PRRC2B: variants seen among roughly 807,000 people sequenced by gnomAD.
PRRC2B encodes protein PRRC2B.
Under a neutral mutation model 242.3 loss-of-function variants are expected in PRRC2B, and 68 were observed. The ratio of observed to expected loss-of-function variants is 0.28; its 90% CI spans 0.23 to 0.34. The LOEUF is 0.34. Among genes scored for constraint, PRRC2B ranks in the 10% least tolerant of loss-of-function variants. PRRC2B has a pLI of 1.00. For synonymous variants in PRRC2B, 1,228 were observed against 1,173.6 expected, an observed-to-expected ratio of 1.05 and a Z score of -0.95; for missense variants, 2,835 against 2,954.8, an observed-to-expected ratio of 0.96 and a Z score of 0.94.
chr9:131,420,481 C>CTTTCTTTCTTTCTTTCTTTCT (rs1837791104), intron 1 of PRRC2B, among the ~76,000 whole-genome samples: 1 of 13,418 alleles, frequency 7.5e-5, no homozygotes, highest in African/African-American at 1.9e-4. Flanking sequence ...TTCTTTCTTT[C>CTTTCTTTCTTTCTTTCTTTCT]TTTCTTTCTT....
rs1838796009 is a variant in PRRC2B at position 131,446,270 on chromosome 9, A to G, written c.614-131A>G. The G allele has an allele frequency of 2.0e-5, 22 of 1,126,316 alleles. No individual in the cohort carries two copies. The South Asian group carries it at 3.4e-4, about 17-fold the overall frequency. 69.8% of individuals were successfully genotyped at this position (1,126,316 alleles called of 1,614,324 possible). On this transcript the variant is annotated intron_variant, in intron 6 of 31. Transcript: ENST00000683519. The surrounding 1 kb of genome is among the most constrained non-coding windows in gnomAD (Gnocchi z 4.1). Reference sequence around the variant, plus strand: ...TCCCTGACAGATTTAACAGTTCTTCACTTTTGGTGTTTTTTGTTTTTCATT... The same window carrying G: ...TCCCTGACAGATTTAACAGTTCTTCGCTTTTGGTGTTTTTTGTTTTTCATT...
chr9:131,444,486 T>C (rs566684704), intron 6 of PRRC2B, among the ~76,000 whole-genome samples, 158 bp downstream of exon 6: 2 of 152,344 alleles, frequency 1.3e-5, no homozygotes, highest in South Asian at 4.1e-4. Flanking sequence ...TCCATTGGAC[T>C]TGCTGCCTAG....
intron 1 of PRRC2B, among the ~76,000 whole-genome samples, chr9:131,402,608 C>T (rs1214624868): frequency 6.6e-6 from 1 of 152,188 alleles, no homozygotes; most frequent in Non-Finnish European, 1.5e-5. Context: ...CCATTCATCA[C>T]TGTGTGCCAG....
At chr9:131,391,886 C>T (rs187473542), upstream of PRRC2B, among the ~76,000 whole-genome samples, 150 of 150,496 alleles carry the variant, frequency 1.0e-3, no homozygotes, top group African/African-American at 3.4e-3. Context: ...GATTACAGGA[C>T]CCCACCACCA....
At position 131,420,453 on chromosome 9, in the gene PRRC2B, T is replaced by TTTCTTTCTTTC. The variant is rs1564278457; in HGVS notation, c.-51-9639_-51-9638insCTTTCTTTCTT. ...TTTTCTTTTTTCTTTTTCTTTTTCT[T>TTTCTTTCTTTC]TTTCTTTCTTTCTTTCTTTCTTTCT... On this transcript the variant is annotated intron_variant, in intron 1 of 31. Transcript: ENST00000683519. Among the ~76,000 whole-genome samples, 320 of 61,036 alleles carry TTTCTTTCTTTC rather than the reference T, an allele frequency of 5.2e-3. 50 individuals are homozygous for TTTCTTTCTTTC. The highest frequency in any genetic ancestry group is 0.019 in the East Asian group (33 of 1,696). 40.0% of individuals were successfully genotyped at this position (61,036 alleles called of 152,430 possible).
intron 16 of PRRC2B, among the ~76,000 whole-genome samples, chr9:131,477,037 C>T (rs916290264): frequency 1.3e-5 from 2 of 152,220 alleles, no homozygotes; most frequent in Non-Finnish European, 2.9e-5. Context: ...GGCAGGAGCC[C>T]AGCAAACGCA....
At position 131,477,959 on chromosome 9, in the gene PRRC2B, C is replaced by T. The variant is rs1943751403; in HGVS notation, c.4612+10C>T. On this transcript the variant is annotated intron_variant, in intron 17 of 31. Transcript: ENST00000683519. ...GACCTGAACTATGGAAGTAAGTCAT[C>T]CTCATATCTTCAGGGGAAAGAACTC... 3.1e-6 allele frequency: 5 copies of T among 1,611,400 alleles called. No individual in the cohort carries two copies. Among genetic ancestry groups the T allele is most frequent in the Non-Finnish European group, 4.2e-6 (5 of 1,177,634 alleles).
In PRRC2B at chr9:131,408,181, C is replaced by T. The variant is rs546393380; in HGVS notation, c.-52+13918C>T. On this transcript the variant is annotated intron_variant, in intron 1 of 31. Coordinates refer to ENST00000683519, the MANE Select transcript of PRRC2B (RefSeq NM_013318.4). ...TTTGCTGCCGAAGGGCGTCTGACTC[C>T]CATGTAATTTACCTAATGAGAGGTC... Among the ~76,000 whole-genome samples the T allele has an allele frequency of 1.2e-4, 18 of 152,330 alleles. No individual in the cohort carries two copies. In the South Asian group the frequency reaches 2.7e-3, roughly 23 times the overall value.
At chr9:131,447,247 G>T in intron 8 of PRRC2B, 41 bp downstream of exon 8, 1 of 1,609,996 alleles carries the variant, frequency 6.2e-7, no homozygotes, top group Non-Finnish European at 8.5e-7. Flanking sequence ...AGAGATGAGT[G>T]CGGTGGTGAT....
intron 1 of PRRC2B, among the ~76,000 whole-genome samples, chr9:131,410,192 T>A (rs1588239947): frequency 6.6e-6 from 1 of 152,214 alleles, no homozygotes; most frequent in Non-Finnish European, 1.5e-5. Flanking sequence ...ATATGGGCTT[T>A]CCAGCCAGAG....
At position 131,487,759 on chromosome 9, in the gene PRRC2B, G is replaced by A. The variant is rs540728780; in HGVS notation, c.5985-97G>A. ...GCTCTGGGGGTGGGGCCGGGGATCT[G>A]TGGTTTAGCAAGCTCTCCGGGGATC... On this transcript the variant is annotated intron_variant, in intron 27 of 31. Transcript: ENST00000683519. The surrounding 1 kb of genome is among the most constrained non-coding windows in gnomAD (Gnocchi z 5.3). 6.7e-7 allele frequency: 1 copy of A among 1,493,330 alleles called. No homozygotes were observed. The highest frequency in any genetic ancestry group is 1.4e-5 in the African/African-American group (1 of 72,118). 92.5% of individuals were successfully genotyped at this position (1,493,330 alleles called of 1,614,324 possible).
intron 1 of PRRC2B, among the ~76,000 whole-genome samples, chr9:131,426,169 C>T (rs535740992): frequency 1.3e-5 from 2 of 151,796 alleles, no homozygotes; most frequent in South Asian, 2.1e-4. Flanking sequence ...GAAATCTTGT[C>T]TCTACTGAAA....
chr9:131,450,115 A>G (rs1304199661), intron 9 of PRRC2B, among the ~76,000 whole-genome samples: 1 of 152,144 alleles, frequency 6.6e-6, no homozygotes, highest in Non-Finnish European at 1.5e-5. Context: ...TAAATCTTAA[A>G]TTTCAGTAGT....
At position 131,448,543 on chromosome 9, in the gene PRRC2B, C is replaced by CAGAAAAAAAAAAAA. The variant is rs1838884232; in HGVS notation, c.1120+740_1120+741insGAAAAAAAAAAAAA. Reference sequence around the variant, plus strand: ...TGGGCGACAGAGGGAGACACTGTCTCAAAAAAAAAAAAAAAAAAAAAAAAA... The same window carrying CAGAAAAAAAAAAAA: ...TGGGCGACAGAGGGAGACACTGTCTCAGAAAAAAAAAAAAAAAAAAAAAAAAAAAAAAAAAAAAA... On this transcript the variant is annotated intron_variant, in intron 9 of 31. Transcript: ENST00000683519. Among the ~76,000 whole-genome samples the CAGAAAAAAAAAAAA allele has an allele frequency of 1.8e-4, 7 of 39,874 alleles. 1 individual carries two copies. Among genetic ancestry groups the CAGAAAAAAAAAAAA allele is most frequent in the Non-Finnish European group, 3.2e-4 (6 of 18,710 alleles). The allele number at this position is 39,874 out of a possible 152,430, so 26.2% of individuals were successfully genotyped here.
chr9:131,386,930 G>A (rs986738986), intron 1 of PRRC2B, among the ~76,000 whole-genome samples: 4 of 150,052 alleles, frequency 2.7e-5, no homozygotes, highest in South Asian at 2.1e-4. Flanking sequence ...ATGGAGAGCC[G>A]GTCCAGGTTC....
chr9:131,481,194 C>T (rs1302284110), intron 19 of PRRC2B, among the ~76,000 whole-genome samples: 3 of 149,938 alleles, frequency 2.0e-5, no homozygotes, highest in Non-Finnish European at 4.4e-5. Context: ...CCTATAGTCC[C>T]AGCTATTCGG....
chr9:131,465,131 G>A (rs968833271), intron 12 of PRRC2B, 53 bp downstream of exon 12: 55 of 1,519,254 alleles, frequency 3.6e-5, no homozygotes, highest in African/African-American at 1.4e-4. Flanking sequence ...TGTTGTCCTC[G>A]TCTTGTTACT....
chr9:131,482,576 TC>T lies in PRRC2B; in HGVS notation c.5175+16del. ...TCTGAGCAGAAGGTAACCTGGACGT[TC>T]CAGTCACAGTGGCCAGGGCCTGGGT... On this transcript the variant is annotated intron_variant, in intron 21 of 31. Transcript: ENST00000683519. This position sits in a 1 kb window ranked among gnomAD's most constrained non-coding sequence, Gnocchi z 5.2. 1 of 1,576,802 alleles carries T rather than the reference TC, an allele frequency of 6.3e-7. No individual in the cohort carries two copies. The highest frequency in any genetic ancestry group is 8.6e-7 in the Non-Finnish European group (1 of 1,158,128).
chr9:131,439,742 C>G (rs557792054), intron 5 of PRRC2B, among the ~76,000 whole-genome samples: 1 of 152,296 alleles, frequency 6.6e-6, no homozygotes, highest in African/African-American at 2.4e-5. Context: ...AGTGCCCCAG[C>G]TTCTCCCAAG....
Sources: allele counts gnomAD v4.1 joint callset (sites outside exome capture counted in the v4.1 genomes callset), GRCh38; gene constraint gnomAD v4.1.1; non-coding constraint Gnocchi (gnomAD v3.1); transcripts MANE v1.5; gene names NCBI Gene and HGNC (gene_info 2026-07-23, HGNC 2026-07-21).